The following ZNF385D variants were observed in gnomAD, a reference collection of about 807,000 sequenced individuals.
The protein encoded by ZNF385D is zinc finger protein 385D, also known as zinc finger protein 659.
A neutral mutation model predicts 35.8 loss-of-function variants in ZNF385D; 15 were observed. The ratio of observed to expected loss-of-function variants is 0.42; its 90% CI spans 0.28 to 0.64. The LOEUF is 0.64. Among genes scored for constraint, ZNF385D ranks in the 30% least tolerant of loss-of-function variants. ZNF385D has a pLI of 0.23. For synonymous variants in ZNF385D, 212 were observed against 186.8 expected (o/e 1.13, Z -1.10); for missense variants, 474 against 494.6 (o/e 0.96, Z 0.39).
In ZNF385D at chr3:22,239,271, G is replaced by A. The variant is rs183661254; in HGVS notation, c.107-70236C>T. Among the ~76,000 whole-genome samples the A allele has an allele frequency of 5.8e-4, 88 of 151,026 alleles. 6 individuals are homozygous for A. The highest frequency in any genetic ancestry group is 2.1e-3 in the African/African-American group (87 of 40,852). On this transcript the variant is annotated intron_variant, in intron 2 of 5. Transcript: ENST00000494108. ...GAACATAGCCACAATCATTCATTCA[G>A]GTATTGTGCGTGGTGCTTTCACGCT... is the stretch of plus-strand genomic sequence containing the variant.
intron 2 of ZNF385D, among the ~76,000 whole-genome samples, chr3:21,565,277 G>A (rs2063103603): frequency 6.6e-6 from 1 of 152,022 alleles, no homozygotes; most frequent in African/African-American, 2.4e-5. Context: ...ATTGGGGGGT[G>A]CCAAGGGATT....
In ZNF385D at chr3:22,253,884, A is replaced by C. The variant is rs557872880; in HGVS notation, c.107-84849T>G. On this transcript the variant is annotated intron_variant, in intron 2 of 5. Coordinates refer to the ZNF385D transcript ENST00000494108. ...AGGCATTTCAAATCCATGGGAAAAT[A>C]AAGTATTCAATCTGTGCTGTGTTGA... is the stretch of plus-strand genomic sequence containing the variant. 5.2e-4 allele frequency among the ~76,000 whole-genome samples: 79 copies of C among 152,134 alleles called. 2 individuals are homozygous for C. In the South Asian group the frequency reaches 0.016, roughly 30 times the overall value.
chr3:22,089,834 A>G (rs952237480), intron 3 of ZNF385D, among the ~76,000 whole-genome samples: 1 of 151,996 alleles, frequency 6.6e-6, no homozygotes, highest in Non-Finnish European at 1.5e-5. Flanking sequence ...GTAATTAACA[A>G]TTTTTTATTT....
intron 3 of ZNF385D, among the ~76,000 whole-genome samples, chr3:21,901,031 TTGGA>T (rs1699385012): frequency 6.6e-6 from 1 of 152,232 alleles, no homozygotes; most frequent in Non-Finnish European, 1.5e-5. Context: ...GGTATTGCCC[TTGGA>T]TGATGATAAT....
Position 21,994,246 on chromosome 3 carries a change from A to C in ZNF385D, c.325+174571T>G, listed in dbSNP as rs112646455. On this transcript the variant is annotated intron_variant, in intron 3 of 5. Transcript: ENST00000494108. The stretch of plus-strand genomic sequence containing the variant: ...AAGATCTACATACTGTTTTTACTTA[A>C]ACAGCATTCATCAGCAAATTGGAGA... Among the ~76,000 whole-genome samples, 198 of 152,306 alleles carry C rather than the reference A, an allele frequency of 1.3e-3. 2 individuals are homozygous for C. Among genetic ancestry groups the C allele is most frequent in the African/African-American group, 3.2e-3 (132 of 41,578 alleles).
chr3:21,927,746 TATA>T (rs1431903517), intron 3 of ZNF385D, among the ~76,000 whole-genome samples: 2 of 152,210 alleles, frequency 1.3e-5, no homozygotes, highest in African/African-American at 4.8e-5. Context: ...CAGTGATGTT[TATA>T]ATAAACTAGG....
intron 2 of ZNF385D, among the ~76,000 whole-genome samples, chr3:22,193,689 T>C (rs565688696): frequency 1.9e-4 from 29 of 152,168 alleles, no homozygotes; most frequent in Non-Finnish European, 4.0e-4. Context: ...TATTCTATTA[T>C]ATATTGGGGC....
chr3:21,749,758 AACTTAG>A (rs2069967910), intron 1 of ZNF385D, among the ~76,000 whole-genome samples: 1 of 152,206 alleles, frequency 6.6e-6, no homozygotes, highest in Non-Finnish European at 1.5e-5. Flanking sequence ...TAGCTTTTGG[AACTTAG>A]ATTCCTTCCA....
chr3:22,069,787 T>C (rs1423422988), intron 3 of ZNF385D, among the ~76,000 whole-genome samples: 2 of 152,134 alleles, frequency 1.3e-5, no homozygotes, highest in African/African-American at 4.8e-5. Context: ...GCCCTATTGC[T>C]TTTCTTCTTC....
chr3:21,622,441 T>G (rs1247640316), intron 2 of ZNF385D, among the ~76,000 whole-genome samples: 1 of 152,120 alleles, frequency 6.6e-6, no homozygotes. Flanking sequence ...ATGGAATAAA[T>G]TAAGGCCTAC....
At chr3:21,827,838 A>G (rs1232381329) in intron 3 of ZNF385D, among the ~76,000 whole-genome samples, 1 of 152,232 alleles carries the variant, frequency 6.6e-6, no homozygotes, top group East Asian at 1.9e-4. Flanking sequence ...GCCTTTCATT[A>G]AATACATAGT....
At chr3:22,068,508 C>T (rs1442607245) in intron 3 of ZNF385D, among the ~76,000 whole-genome samples, 2 of 152,154 alleles carry the variant, frequency 1.3e-5, no homozygotes, top group African/African-American at 4.8e-5. Flanking sequence ...TACTAATTCA[C>T]TTTACCAATT....
chr3:22,309,974 T>C (rs888068807), intron 2 of ZNF385D, among the ~76,000 whole-genome samples: 2 of 152,028 alleles, frequency 1.3e-5, no homozygotes, highest in Non-Finnish European at 2.9e-5. Flanking sequence ...GGAGGCTTGA[T>C]GAACTGCTCA....
chr3:21,825,064 G>C (rs1694511144), intron 3 of ZNF385D, among the ~76,000 whole-genome samples: 1 of 152,140 alleles, frequency 6.6e-6, no homozygotes, highest in African/African-American at 2.4e-5. Context: ...AGATTTTTCA[G>C]TTTGTAATTA....
intron 3 of ZNF385D, among the ~76,000 whole-genome samples, chr3:21,942,858 A>G (rs916639635): frequency 3.9e-5 from 6 of 152,186 alleles, no homozygotes; most frequent in Admixed American, 3.3e-4. Context: ...GTTCTGTAAC[A>G]TATCTAAAAA....
chr3:21,907,646 T>G (rs994932464), intron 3 of ZNF385D, among the ~76,000 whole-genome samples: 4 of 152,168 alleles, frequency 2.6e-5, no homozygotes, highest in African/African-American at 9.7e-5. Context: ...TCTTTGATAC[T>G]TATTACCCTT....
chr3:21,968,255 T>C (rs1380600088), intron 3 of ZNF385D, among the ~76,000 whole-genome samples: 1 of 151,978 alleles, frequency 6.6e-6, no homozygotes, highest in Non-Finnish European at 1.5e-5. Context: ...ATCTCAGCAG[T>C]CTGAATATGA....
intron 3 of ZNF385D, among the ~76,000 whole-genome samples, chr3:22,124,126 C>A (rs537961242): frequency 6.6e-6 from 1 of 152,028 alleles, no homozygotes; most frequent in Non-Finnish European, 1.5e-5. Context: ...TTATTCTACT[C>A]TCTATCTCCC....
chr3:22,187,903 C>T (rs1294724170), intron 2 of ZNF385D, among the ~76,000 whole-genome samples: 1 of 152,096 alleles, frequency 6.6e-6, no homozygotes, highest in African/African-American at 2.4e-5. Flanking sequence ...ATGATGCAAG[C>T]TCCACACACA....
Sources: allele counts gnomAD v4.1 joint callset (sites outside exome capture counted in the v4.1 genomes callset), GRCh38; gene constraint gnomAD v4.1.1; transcripts MANE v1.5; gene names NCBI Gene and HGNC (gene_info 2026-07-23, HGNC 2026-07-21).